Variants in TMEM8B observed in about 807,000 individuals in gnomAD.
The protein encoded by TMEM8B is transmembrane protein 8B.
Under a neutral mutation model 49.3 loss-of-function variants are expected in TMEM8B, and 29 were observed. The ratio of observed to expected loss-of-function variants is 0.59; its 90% confidence interval spans 0.44 to 0.80. The LOEUF (loss-of-function observed/expected upper bound fraction) is 0.80. TMEM8B is among the 30% of genes least tolerant of loss of function. The probability of loss-of-function intolerance (pLI) is 0.00; values close to 1 mark genes in which losing one functional copy is unlikely to be tolerated. For missense variants in TMEM8B, 575 were observed against 658.5 expected (o/e 0.87, Z 1.39); for synonymous variants, 264 against 272.8 (o/e 0.97, Z 0.32).
At chr9:35,845,861 GGGA>G (rs1831474533) in intron 6 of TMEM8B, 111 bp from the exon 7 acceptor site, 2 of 1,587,164 alleles carry the variant, frequency 1.3e-6, no homozygotes, top group Non-Finnish European at 1.7e-6. Flanking sequence ...GGAGAGCGCC[GGGA>G]GGAATGGGCT....
At position 35,841,706 on chromosome 9, in the gene TMEM8B, CT is replaced by C; in HGVS notation, c.1222del (p.Trp408GlyfsTer46). ...GCCAGCTGGAGCTGGCACTGCCCCCCTGGGGGCACTGGGTCTACGTGCGTGT... is the reference window on the plus strand; with the variant it reads ...GCCAGCTGGAGCTGGCACTGCCCCCCGGGGGCACTGGGTCTACGTGCGTGT... The part of the protein sequence containing the change: ...GCQLELALPP[W>X]GHWVYVRVET... On this transcript the variant is annotated frameshift_variant, in exon 5 of 13. Coordinates refer to ENST00000643932, the MANE Select transcript of TMEM8B (RefSeq NM_001042590.4). LOFTEE classifies it high-confidence loss of function. The surrounding 1 kb of genome is among the most constrained non-coding windows in gnomAD (Gnocchi z 5.9). 2.4e-6 allele frequency: 1 copy of C among 415,946 alleles called. No homozygotes were observed. The highest frequency in any genetic ancestry group is 4.4e-6 in the Non-Finnish European group (1 of 226,500). 25.8% of individuals were successfully genotyped at this position (415,946 alleles called of 1,614,324 possible). A position where few individuals can be genotyped will look rare whatever the true frequency, so the allele number is the denominator to read the frequency against.
chr9:35,834,376 T>C (rs1055942371), intron 1 of TMEM8B, 85 bp from the exon 2 acceptor site: 3 of 402,596 alleles, frequency 7.5e-6, no homozygotes, highest in African/African-American at 6.2e-5. Flanking sequence ...GTTGATGCTA[T>C]TGGTGAGGAA....
In TMEM8B at chr9:35,846,261, C is replaced by A; in HGVS notation, c.1733C>A (p.Ser578Tyr). ...GDAAVTCSKE[S>Y]LAGFLLSVSA... is the part of the protein sequence containing the mutation. ...GACTCCTTCCTTCTCCCTTCAGAGT[C>A]CCTGGCCGGCTTCCTCCTCTCTGTC... The change falls in exon 8 of 13, where the codon TCC becomes TAC. Residue 578 changes from serine (S) to tyrosine (Y), a missense_variant. Coordinates refer to ENST00000643932, the MANE Select transcript of TMEM8B (RefSeq NM_001042590.4). 1 of 1,614,230 alleles carries A rather than the reference C, an allele frequency of 6.2e-7. No homozygotes were observed.
In TMEM8B at chr9:35,846,001, G is replaced by T; in HGVS notation, c.1662G>T (p.Thr554=). The T allele has an allele frequency of 6.2e-7, 1 of 1,614,000 alleles. No homozygotes were observed. Among genetic ancestry groups the T allele is most frequent in the African/African-American group, 1.3e-5 (1 of 74,948 alleles). Residue 554 remains threonine (T), a synonymous_variant, in exon 7 of 13, where the codon ACG becomes ACT. Coordinates refer to ENST00000643932, the MANE Select transcript of TMEM8B (RefSeq NM_001042590.4). ...NASSVRQENV[T]VFGCLTHEVP... The stretch of plus-strand genomic sequence containing the variant: ...GCTCCGTGCGCCAGGAAAACGTGAC[G>T]GTGTTTGGATGCTTGACTCACGAGG...
intron 1 of TMEM8B, 146 bp from the exon 2 acceptor site, chr9:35,834,315 A>C: frequency 2.5e-6 from 1 of 397,482 alleles, no homozygotes; most frequent in Non-Finnish European, 4.4e-6. Context: ...GCTAGGTTTC[A>C]GATCTGCAGC....
chr9:35,835,698 C>T (rs1412935332), intron 3 of TMEM8B, among the ~76,000 whole-genome samples: 2 of 152,206 alleles, frequency 1.3e-5, no homozygotes, highest in Non-Finnish European at 2.9e-5. Flanking sequence ...TAATTTCAGA[C>T]AGCTTCCTAC....
chr9:35,853,290 C>A lies in TMEM8B; in HGVS notation c.2439+33C>A. 2 of 1,581,518 alleles carry A rather than the reference C, an allele frequency of 1.3e-6. No individual in the cohort carries two copies. Among genetic ancestry groups the A allele is most frequent in the Non-Finnish European group, 1.7e-6 (2 of 1,151,420 alleles). ...TGGGGAGGGATGTGGGGGGAGGGTC[C>A]CAGCAGGACTTGGGTGCTGGGCCCC... is the stretch of plus-strand genomic sequence containing the variant. On this transcript the variant is annotated intron_variant, in intron 12 of 12. Transcript: ENST00000643932. The surrounding 1 kb of genome is among the most constrained non-coding windows in gnomAD (Gnocchi z 4.2).
intron 3 of TMEM8B, among the ~76,000 whole-genome samples, chr9:35,840,679 T>A (rs1256199988): frequency 6.6e-6 from 1 of 150,604 alleles, no homozygotes; most frequent in Non-Finnish European, 1.5e-5. Flanking sequence ...GCGGGGAGAG[T>A]GAGGGGGCTG....
chr9:35,853,996 C>CT lies in TMEM8B; in HGVS notation c.*156_*157insT, dbSNP rs1832395721. 2.6e-5 allele frequency: 35 copies of CT among 1,350,698 alleles called. No homozygotes were observed. The highest frequency in any genetic ancestry group is 3.1e-5 in the Non-Finnish European group (33 of 1,056,806). 83.7% of individuals were successfully genotyped at this position (1,350,698 alleles called of 1,614,324 possible). On this transcript the variant is annotated 3_prime_UTR_variant, in exon 13 of 13. Coordinates refer to ENST00000643932, the MANE Select transcript of TMEM8B (RefSeq NM_001042590.4). This position sits in a 1 kb window ranked among gnomAD's most constrained non-coding sequence, Gnocchi z 4.2. ...CTCTTCCAGGGACCTGGAGCCCTTC[C>CT]CAGGACATGGAGAACTTCCTGAGGG... is the stretch of plus-strand genomic sequence containing the variant.
chr9:35,834,333 C>A (rs1182955312), intron 1 of TMEM8B, 128 bp from the exon 2 acceptor site: 3 of 398,082 alleles, frequency 7.5e-6, no homozygotes, highest in Non-Finnish European at 1.3e-5. Context: ...AGCCTGAAAC[C>A]CAGTTCCTGG....
Position 35,863,379 on chromosome 9 carries a change from C to T in TMEM8B, c.*9539C>T, listed in dbSNP as rs977099654. 1 of 152,148 alleles carries T rather than the reference C, an allele frequency of 6.6e-6. No homozygotes were observed. Among genetic ancestry groups the T allele is most frequent in the Non-Finnish European group, 1.5e-5 (1 of 68,032 alleles). 9.4% of individuals were successfully genotyped at this position (152,148 alleles called of 1,614,324 possible). ...TCACAACTTAAAAGTCTGATCGTAA[C>T]ACATTCATGGAAACTAGAACCAGCA... On this transcript the variant is annotated 3_prime_UTR_variant, in exon 13 of 13. Coordinates refer to ENST00000643932, the MANE Select transcript of TMEM8B (RefSeq NM_001042590.4).
In TMEM8B at chr9:35,842,483, A is replaced by G. The variant is rs7037450; in HGVS notation, c.1401A>G (p.Glu467=). 7.9e-3 allele frequency: 12,566 copies of G among 1,600,650 alleles called. 396 individuals are homozygous for G. In the African/African-American group the frequency reaches 0.1, roughly 13 times the overall value. Residue 467 remains glutamate, a synonymous_variant, in exon 6 of 13, where the codon GAA becomes GAG. Transcript: ENST00000643932. This position sits in a 1 kb window ranked among gnomAD's most constrained non-coding sequence, Gnocchi z 5.6. The stretch of plus-strand genomic sequence containing the variant: ...TGGGCAACCAGCCACTGCCCCCAGA[A>G]CCGCCATCCCTTGGAACCCCTGCGG... ...QSLGNQPLPP[E]PPSLGTPAEG... is the part of the protein sequence containing the mutation.
intron 1 of TMEM8B, among the ~76,000 whole-genome samples, chr9:35,832,168 G>GGGGTGTGTGT (rs149702799): frequency 9.5e-5 from 14 of 146,846 alleles, no homozygotes; most frequent in African/African-American, 3.5e-4. Context: ...TAGGTGTAGG[G>GGGGTGTGTGT]GTGTGTGTGT....
chr9:35,829,601 T>A lies in TMEM8B; in HGVS notation c.154T>A (p.Ser52Thr), dbSNP rs1829647342. The A allele has an allele frequency of 4.8e-6, 1 of 208,412 alleles. No homozygotes were observed. Among genetic ancestry groups the A allele is most frequent in the African/African-American group, 2.6e-5 (1 of 37,866 alleles). 12.9% of individuals were successfully genotyped at this position (208,412 alleles called of 1,614,324 possible). A position where few individuals can be genotyped will look rare whatever the true frequency, so the allele number is the denominator to read the frequency against. ...GTCTCTGCCCCTGGCCTGGCCCCCATCCCGGCCTCGGCCCTCGTTCCACCC... is the reference window on the plus strand; with the variant it reads ...GTCTCTGCCCCTGGCCTGGCCCCCAACCCGGCCTCGGCCCTCGTTCCACCC... ...FQSLPLAWPP[S>T]RPRPSFHPLS... Residue 52 changes from serine to threonine, a missense_variant, in exon 1 of 13, where the codon TCC becomes ACC. Coordinates refer to ENST00000643932, the MANE Select transcript of TMEM8B (RefSeq NM_001042590.4).
At position 35,858,091 on chromosome 9, in the gene TMEM8B, ATT is replaced by A. The variant is rs201053981; in HGVS notation, c.*4258_*4259del. 7.9e-6 allele frequency: 1 copy of A among 126,606 alleles called. No homozygotes were observed. The highest frequency in any genetic ancestry group is 1.7e-5 in the Non-Finnish European group (1 of 59,084). The allele number at this position is 126,606 out of a possible 1,614,324, so 7.8% of individuals were successfully genotyped here. A position where few individuals can be genotyped will look rare whatever the true frequency, so the allele number is the denominator to read the frequency against. On this transcript the variant is annotated 3_prime_UTR_variant, in exon 13 of 13. Coordinates refer to ENST00000643932, the MANE Select transcript of TMEM8B (RefSeq NM_001042590.4). ...CCCTCACTGTGTCTGGTGCTGTTCC[ATT>A]TTTTTTCTTTCTTTCTTTTTTTTTT... is the stretch of plus-strand genomic sequence containing the variant.
At chr9:35,845,362 A>G in intron 6 of TMEM8B, 1 of 982,232 alleles carries the variant, frequency 1.0e-6, no homozygotes. Flanking sequence ...AAGCTGCCTC[A>G]AATCCTTCTT....
In TMEM8B at chr9:35,858,753, G is replaced by A. The variant is rs1832599069; in HGVS notation, c.*4913G>A. The A allele has an allele frequency of 6.6e-6, 1 of 152,264 alleles. No homozygotes were observed. Among genetic ancestry groups the A allele is most frequent in the Non-Finnish European group, 1.5e-5 (1 of 68,076 alleles). 9.4% of individuals were successfully genotyped at this position (152,264 alleles called of 1,614,324 possible). ...GTTGGCCACTGAAATGTAGGTGGAGGCAACACAGCCACTTCTGAGTAGAAG... is the reference window on the plus strand; with the variant it reads ...GTTGGCCACTGAAATGTAGGTGGAGACAACACAGCCACTTCTGAGTAGAAG... On this transcript the variant is annotated 3_prime_UTR_variant, in exon 13 of 13. Transcript: ENST00000643932.
chr9:35,846,022 C>G lies in TMEM8B; in HGVS notation c.1683C>G (p.His561Gln), dbSNP rs1011594625. Residue 561 changes from histidine to glutamine, a missense_variant, in exon 7 of 13, where the codon CAC becomes CAG. His to Gln is a conservative substitution (Grantham distance 24). Coordinates refer to ENST00000643932, the MANE Select transcript of TMEM8B (RefSeq NM_001042590.4). ...ENVTVFGCLT[H>Q]EVPLSLGDAA... Reference sequence around the variant, plus strand: ...TGACGGTGTTTGGATGCTTGACTCACGAGGTGCCCTTGAGCCTGGGGGATG... The same window carrying G: ...TGACGGTGTTTGGATGCTTGACTCAGGAGGTGCCCTTGAGCCTGGGGGATG... The G allele has an allele frequency of 6.2e-7, 1 of 1,613,358 alleles. No individual in the cohort carries two copies. Among genetic ancestry groups the G allele is most frequent in the Non-Finnish European group, 8.5e-7 (1 of 1,179,964 alleles).
At chr9:35,834,941 T>C (rs1297848130) in intron 2 of TMEM8B, 70 bp from the exon 3 acceptor site, 8 of 415,288 alleles carry the variant, frequency 1.9e-5, no homozygotes, top group Non-Finnish European at 3.5e-5. Flanking sequence ...AGTTCTTTTC[T>C]TTCTTTCTTT....
Sources: allele counts gnomAD v4.1 joint callset (sites outside exome capture counted in the v4.1 genomes callset), GRCh38; gene constraint gnomAD v4.1.1; non-coding constraint Gnocchi (gnomAD v3.1); transcripts MANE v1.5; gene names NCBI Gene and HGNC (gene_info 2026-07-23, HGNC 2026-07-21).